The following FBN2 variants were observed in gnomAD, a reference collection of about 807,000 sequenced individuals.
FBN2 encodes the protein fibrillin-2.
FBN2 carries 105 observed loss-of-function variants against 355.6 expected under a neutral mutation model. That is an observed-to-expected ratio of 0.30 (90% CI 0.25 to 0.35). The LOEUF is 0.35. Among genes scored for constraint, FBN2 ranks in the 10% least tolerant of loss-of-function variants. The probability of loss-of-function intolerance (pLI) is 1.00; values close to 1 mark genes in which losing one functional copy is unlikely to be tolerated. For missense variants in FBN2, 3,280 were observed against 3,758.7 expected (o/e 0.87, Z 3.33); for synonymous variants, 1,350 against 1,301.2 (o/e 1.04, Z -0.81).
chr5:128,471,639 T>TAAAAAC lies in FBN2; in HGVS notation c.629-6724_629-6719dup, dbSNP rs1221856210. 3.9e-5 allele frequency among the ~76,000 whole-genome samples: 6 copies of TAAAAAC among 152,210 alleles called. No individual in the cohort carries two copies. The Middle Eastern group carries it at 0.01, about 259-fold the overall frequency. ...TTGGCCTATTCCATGAAACTGGCCTTAAAAACAAAAACAAAAACAAAAAAA... is the reference window on the plus strand; with the variant it reads ...TTGGCCTATTCCATGAAACTGGCCTTAAAAACAAAAACAAAAACAAAAACAAAAAAA... On this transcript the variant is annotated intron_variant, in intron 5 of 64. Coordinates refer to ENST00000262464, the MANE Select transcript of FBN2 (RefSeq NM_001999.4).
intron 15 of FBN2, among the ~76,000 whole-genome samples, chr5:128,373,418 G>T (rs1160766280): frequency 6.6e-6 from 1 of 152,170 alleles, no homozygotes; most frequent in Non-Finnish European, 1.5e-5. Context: ...TCTTTGACTG[G>T]ATAGAGTGGA....
In FBN2 at chr5:128,537,522, C is replaced by A. The variant is rs772841538; in HGVS notation, c.82G>T (p.Gly28Cys). 71 of 1,577,504 alleles carry A rather than the reference C, an allele frequency of 4.5e-5. No individual in the cohort carries two copies. The East Asian group carries it at 1.7e-3, about 37-fold the overall frequency. Reference protein sequence around the residue: ...CVVLWAQGTAGQPQPPPPKPP... With the variant: ...CVVLWAQGTACQPQPPPPKPP... ...TTGGGCGGAGGAGGCTGAGGCTGGC[C>A]GGCCGTGCCCTGCGCCCAGAGCACC... is the stretch of plus-strand genomic sequence containing the variant. Residue 28 changes from glycine to cysteine, a missense_variant, in exon 1 of 65, where the codon GGC becomes TGC. Coordinates refer to ENST00000262464, the MANE Select transcript of FBN2 (RefSeq NM_001999.4).
chr5:128,458,453 G>C (rs1754467434), intron 6 of FBN2, among the ~76,000 whole-genome samples: 1 of 151,426 alleles, frequency 6.6e-6, no homozygotes, highest in African/African-American at 2.4e-5. Context: ...TCTGGATCAA[G>C]TGGACCTACT....
intron 12 of FBN2, among the ~76,000 whole-genome samples, chr5:128,378,459 T>C (rs1018988429): frequency 6.6e-6 from 1 of 152,124 alleles, no homozygotes; most frequent in African/African-American, 2.4e-5. Flanking sequence ...AAGAAAACAG[T>C]AGTTTAAAAT....
intron 8 of FBN2, among the ~76,000 whole-genome samples, chr5:128,404,460 C>T (rs1053218662): frequency 5.3e-5 from 8 of 152,222 alleles, no homozygotes; most frequent in African/African-American, 1.9e-4. Flanking sequence ...ACTTAGCTTT[C>T]CGAACCTCAA....
intron 5 of FBN2, among the ~76,000 whole-genome samples, chr5:128,515,362 C>G (rs1756253183): frequency 1.3e-5 from 2 of 152,162 alleles, no homozygotes; most frequent in South Asian, 4.1e-4. Context: ...TCATCATCTT[C>G]CCACTGAATT....
chr5:128,509,606 A>G (rs1438407922), intron 5 of FBN2, among the ~76,000 whole-genome samples: 1 of 152,070 alleles, frequency 6.6e-6, no homozygotes, highest in East Asian at 1.9e-4. Flanking sequence ...CTGCTTCTTT[A>G]CACAAAATTT....
At chr5:128,500,570 G>C (rs1358331235) in intron 5 of FBN2, among the ~76,000 whole-genome samples, 1 of 149,990 alleles carries the variant, frequency 6.7e-6, no homozygotes, top group Admixed American at 6.7e-5. Context: ...AGCCTCTCTC[G>C]AGTAGCTGGG....
intron 7 of FBN2, among the ~76,000 whole-genome samples, chr5:128,433,163 G>T (rs1753669566): frequency 1.3e-5 from 2 of 152,022 alleles, no homozygotes; most frequent in Non-Finnish European, 2.9e-5. Context: ...AGATGTTAGG[G>T]GTTTGCTCCA....
At chr5:128,418,491 C>A (rs1367671462) in intron 7 of FBN2, among the ~76,000 whole-genome samples, 2 of 152,056 alleles carry the variant, frequency 1.3e-5, no homozygotes, top group Non-Finnish European at 2.9e-5. Context: ...TTGCTACAAA[C>A]TTTCCTCTTA....
intron 36 of FBN2, among the ~76,000 whole-genome samples, chr5:128,316,996 C>T (rs774175423): frequency 6.6e-5 from 10 of 152,192 alleles, no homozygotes; most frequent in Non-Finnish European, 1.0e-4. Flanking sequence ...TTCCTCTCCT[C>T]ATCCCTGTCC....
intron 7 of FBN2, among the ~76,000 whole-genome samples, chr5:128,444,054 CTTTTTTTTTTTT>C (rs35768962): frequency 4.6e-5 from 3 of 65,612 alleles, no homozygotes; most frequent in Admixed American, 3.7e-4. Context: ...ATCACTTGTT[CTTTTTTTTTTTT>C]TTTTTTTTTT....
At chr5:128,509,278 C>T (rs980388910) in intron 5 of FBN2, among the ~76,000 whole-genome samples, 6 of 152,080 alleles carry the variant, frequency 3.9e-5, no homozygotes, top group South Asian at 2.1e-4. Context: ...CATTCTTAAG[C>T]CTTTTTTTCT....
chr5:128,287,208 T>A, intron 54 of FBN2, 100 bp downstream of exon 54: 3 of 1,350,110 alleles, frequency 2.2e-6, no homozygotes, highest in East Asian at 4.6e-5. Flanking sequence ...TATATTTCTG[T>A]AAAGCTCTAG....
chr5:128,376,028 C>T lies in FBN2; in HGVS notation c.1972+703G>A, dbSNP rs997105669. Among the ~76,000 whole-genome samples, 12 of 152,094 alleles carry T rather than the reference C, an allele frequency of 7.9e-5. No individual in the cohort carries two copies. The East Asian group carries it at 2.3e-3, about 29-fold the overall frequency. ...TCCAGCCTAGGTGACAGAGCAAAAA[C>T]CTATCTCAAAAATAAATAAATTTAA... On this transcript the variant is annotated intron_variant, in intron 14 of 64. Transcript: ENST00000262464.
chr5:128,300,972 A>G (rs1469842333), intron 47 of FBN2, 36 bp from the exon 48 acceptor site: 3 of 1,599,340 alleles, frequency 1.9e-6, no homozygotes, highest in African/African-American at 1.3e-5. Context: ...TAATTTAAGC[A>G]TGAGATAATT....
chr5:128,507,189 GC>G (rs1186344909), intron 5 of FBN2, among the ~76,000 whole-genome samples: 1 of 151,966 alleles, frequency 6.6e-6, no homozygotes, highest in Non-Finnish European at 1.5e-5. Flanking sequence ...CACCAGTAAA[GC>G]TTTTTGGGCC....
intron 7 of FBN2, among the ~76,000 whole-genome samples, chr5:128,439,237 A>T (rs1753853777): frequency 6.6e-6 from 1 of 152,192 alleles, no homozygotes; most frequent in Non-Finnish European, 1.5e-5. Flanking sequence ...ATGAGTATAG[A>T]CAAAACAACT....
At chr5:128,406,953 G>A (rs938052395) in intron 8 of FBN2, among the ~76,000 whole-genome samples, 6 of 152,102 alleles carry the variant, frequency 3.9e-5, no homozygotes, top group South Asian at 2.1e-4. Flanking sequence ...AATATTTCAC[G>A]AAAAATGATT....
Sources: gnomAD v4.1 joint callset for allele counts (sites outside exome capture counted in the v4.1 genomes callset) on GRCh38, gnomAD v4.1.1 for gene constraint, MANE v1.5 for transcripts, NCBI Gene and HGNC (gene_info 2026-07-23, HGNC 2026-07-21) for gene names.